SDK1: variants seen among roughly 807,000 people sequenced by gnomAD.
The protein encoded by SDK1 is sidekick cell adhesion molecule 1, also known as protein sidekick-1.
A neutral mutation model predicts 245.5 loss-of-function variants in SDK1; 157 were observed. The observed-to-expected ratio is 0.64, with a 90% CI of 0.56 to 0.73. The LOEUF (loss-of-function observed/expected upper bound fraction) is 0.73, where lower values mean the gene tolerates loss of function less well. SDK1 is among the 30% of genes least tolerant of loss of function. SDK1 has a pLI of 0.00. For synonymous variants in SDK1, 1,647 were observed against 1,278.5 expected, an observed-to-expected ratio of 1.29 and a Z score of -6.15; for missense variants, 3,583 against 3,002.3, an observed-to-expected ratio of 1.19 and a Z score of -4.52.
chr7:3,553,484 C>T lies in SDK1; in HGVS notation c.299-65596C>T, dbSNP rs188615942. ...TTGGGGCCCAGGACTAAAGGACTGA[C>T]ACAATGGCAGGGCATCTCACATTCC... On this transcript the variant is annotated intron_variant, in intron 1 of 44. Transcript: ENST00000404826. Among the ~76,000 whole-genome samples, 56 of 152,238 alleles carry T rather than the reference C, an allele frequency of 3.7e-4. 1 individual carries two copies. The highest frequency in any genetic ancestry group is 2.4e-3 in the Admixed American group (36 of 15,296).
Position 4,139,668 on chromosome 7 carries a change from TG to T in SDK1, c.4229-6053del, listed in dbSNP as rs1285792311. On this transcript the variant is annotated intron_variant, in intron 28 of 44. Transcript: ENST00000404826. Reference sequence around the variant, plus strand: ...GTGTATATGTGTGTGTGTATATGTGTGTGTGTATATGTGTGTGTGTGTATGT... The same window carrying T: ...GTGTATATGTGTGTGTGTATATGTGTTGTGTATATGTGTGTGTGTGTATGT... Among the ~76,000 whole-genome samples the T allele has an allele frequency of 3.0e-3, 407 of 135,080 alleles. 49 individuals carry two copies. The highest frequency in any genetic ancestry group is 4.6e-3 in the African/African-American group (158 of 34,244). The allele number at this position is 135,080 out of a possible 152,430, so 88.6% of individuals were successfully genotyped here. A position where few individuals can be genotyped will look rare whatever the true frequency, so the allele number is the denominator to read the frequency against.
At chr7:4,143,769 T>C (rs1779753252) in intron 28 of SDK1, among the ~76,000 whole-genome samples, 1 of 152,154 alleles carries the variant, frequency 6.6e-6, no homozygotes, top group Admixed American at 6.5e-5. Flanking sequence ...TAGGCACCCA[T>C]GGGGCTCCAG....
chr7:4,208,032 C>G lies in SDK1; in HGVS notation c.5215-67C>G, dbSNP rs995162362. The G allele has an allele frequency of 3.2e-6, 4 of 1,243,184 alleles. No individual in the cohort carries two copies. The African/African-American group carries it at 4.5e-5, about 14-fold the overall frequency. 77.0% of individuals were successfully genotyped at this position (1,243,184 alleles called of 1,614,324 possible). A position where few individuals can be genotyped will look rare whatever the true frequency, so the allele number is the denominator to read the frequency against. On this transcript the variant is annotated intron_variant, in intron 36 of 44. Coordinates refer to ENST00000404826, the MANE Select transcript of SDK1 (RefSeq NM_152744.4). ...CTCACCCCCTCGCTTTGACCTTACA[C>G]TCAGTGGCCCCCGCTTACTGGAAGG...
chr7:4,172,175 CAG>C (rs1468208059), intron 32 of SDK1, among the ~76,000 whole-genome samples: 1 of 152,202 alleles, frequency 6.6e-6, no homozygotes, highest in Non-Finnish European at 1.5e-5. Context: ...GGGAGCATCA[CAG>C]GGGTGTCAGA....
rs529994277 is a variant in SDK1 at position 3,441,362 on chromosome 7, CAT to C, written c.298+139479_298+139480del. ...TAAGGAGGACTCTTGTACATCATGA[CAT>C]GTGTGGATCCAAAATCTCAAAAAAA... On this transcript the variant is annotated intron_variant, in intron 1 of 44. Coordinates refer to ENST00000404826, the MANE Select transcript of SDK1 (RefSeq NM_152744.4). Among the ~76,000 whole-genome samples, 215 of 152,120 alleles carry C rather than the reference CAT, an allele frequency of 1.4e-3. 3 individuals carry two copies. The highest frequency in any genetic ancestry group is 4.6e-3 in the African/African-American group (192 of 41,506).
At chr7:3,463,677 G>A (rs773204307) in intron 1 of SDK1, among the ~76,000 whole-genome samples, 2 of 152,146 alleles carry the variant, frequency 1.3e-5, no homozygotes, top group African/African-American at 2.4e-5. Flanking sequence ...AGGAAAAAAC[G>A]ATGGAGCCAG....
At chr7:4,063,538 G>A (rs1438246008) in intron 19 of SDK1, among the ~76,000 whole-genome samples, 1 of 148,952 alleles carries the variant, frequency 6.7e-6, no homozygotes, top group Non-Finnish European at 1.5e-5. Context: ...CTCCCCAAAT[G>A]AATCTAATGA....
intron 1 of SDK1, among the ~76,000 whole-genome samples, chr7:3,527,013 G>T (rs1783161118): frequency 6.6e-6 from 1 of 152,154 alleles, no homozygotes; most frequent in Non-Finnish European, 1.5e-5. Flanking sequence ...AATTATATAA[G>T]TTCTATTATT....
At chr7:4,088,618 T>C (rs972286376) in intron 22 of SDK1, among the ~76,000 whole-genome samples, 2 of 152,140 alleles carry the variant, frequency 1.3e-5, no homozygotes, top group African/African-American at 4.8e-5. Context: ...TCTATTGAGC[T>C]GCTCATTTGG....
intron 5 of SDK1, among the ~76,000 whole-genome samples, chr7:3,897,804 A>T (rs1781652918): frequency 6.6e-6 from 1 of 152,048 alleles, no homozygotes; most frequent in South Asian, 2.1e-4. Context: ...GTTATAGTTA[A>T]TTTGGGAACT....
chr7:3,991,024 G>C (rs532901807), intron 14 of SDK1, among the ~76,000 whole-genome samples: 1 of 152,238 alleles, frequency 6.6e-6, no homozygotes. Flanking sequence ...GAGCTGACGT[G>C]ATCAGTGTCC....
Position 4,151,796 on chromosome 7 carries a change from G to A in SDK1, c.4625+2333G>A, listed in dbSNP as rs574976296. Among the ~76,000 whole-genome samples the A allele has an allele frequency of 5.9e-5, 9 of 152,284 alleles. No individual in the cohort carries two copies. In the South Asian group the frequency reaches 1.7e-3, roughly 28 times the overall value. On this transcript the variant is annotated intron_variant, in intron 30 of 44. Coordinates refer to ENST00000404826, the MANE Select transcript of SDK1 (RefSeq NM_152744.4). ...CCAGTTTACACACGCAGACATTGAG[G>A]CAGAGATATCTTAAGTAACGCATAT...
chr7:4,010,281 CAA>C (rs1219452308), intron 14 of SDK1, among the ~76,000 whole-genome samples: 1 of 152,198 alleles, frequency 6.6e-6, no homozygotes, highest in African/African-American at 2.4e-5. Context: ...TTAAACTCTG[CAA>C]AAAATCCACG....
intron 1 of SDK1, among the ~76,000 whole-genome samples, chr7:3,497,368 C>T (rs1003336257): frequency 1.3e-5 from 2 of 152,242 alleles, no homozygotes; most frequent in East Asian, 3.9e-4. Context: ...ATGTACTCTT[C>T]TTTACCTTTT....
At chr7:3,595,907 C>G (rs891347086) in intron 1 of SDK1, among the ~76,000 whole-genome samples, 20 of 140,848 alleles carry the variant, frequency 1.4e-4, no homozygotes, top group Admixed American at 7.2e-5. Flanking sequence ...AGTTACTAGT[C>G]AACACTAACC....
chr7:3,748,541 G>A (rs1779689725), intron 4 of SDK1, among the ~76,000 whole-genome samples: 1 of 152,180 alleles, frequency 6.6e-6, no homozygotes, highest in Non-Finnish European at 1.5e-5. Flanking sequence ...GACCCTTAAG[G>A]TTCAGAGTTT....
At position 3,478,396 on chromosome 7, in the gene SDK1, T is replaced by C. The variant is rs1583918788; in HGVS notation, c.299-140684T>C. On this transcript the variant is annotated intron_variant, in intron 1 of 44. Transcript: ENST00000404826. The stretch of plus-strand genomic sequence containing the variant: ...AGTGCTCTTATAAATGAGAGCTTCA[T>C]TTTCTTATTTTTCAATTTGGGGAAA... 2.0e-5 allele frequency among the ~76,000 whole-genome samples: 3 copies of C among 152,252 alleles called. No homozygotes were observed. In the South Asian group the frequency reaches 6.2e-4, roughly 32 times the overall value.
At chr7:3,785,666 A>C (rs903805404) in intron 4 of SDK1, among the ~76,000 whole-genome samples, 1 of 152,262 alleles carries the variant, frequency 6.6e-6, no homozygotes, top group East Asian at 1.9e-4. Flanking sequence ...AAATTTGAAC[A>C]TATCTGGTAA....
chr7:4,109,211 A>G (rs953676462), intron 22 of SDK1, among the ~76,000 whole-genome samples: 1 of 152,042 alleles, frequency 6.6e-6, no homozygotes, highest in Admixed American at 6.5e-5. Context: ...TTATGCGGTG[A>G]CTGTGTGTAG....
Sources: gnomAD v4.1 joint callset for allele counts (sites outside exome capture counted in the v4.1 genomes callset) on GRCh38, gnomAD v4.1.1 for gene constraint, MANE v1.5 for transcripts, NCBI Gene and HGNC (gene_info 2026-07-23, HGNC 2026-07-21) for gene names.